LPIN2: variants seen among roughly 807,000 people sequenced by gnomAD.
The protein encoded by LPIN2 is lipin 2, also known as phosphatidate phosphatase LPIN2.
A neutral mutation model predicts 111.4 loss-of-function variants in LPIN2; 55 were observed. The ratio of observed to expected loss-of-function variants is 0.49; its 90% CI spans 0.40 to 0.62. The LOEUF is 0.62. LPIN2 is among the 20% of genes least tolerant of loss of function. LPIN2 has a pLI of 0.00. For synonymous variants in LPIN2, 425 were observed against 414.0 expected (o/e 1.03, Z -0.32); for missense variants, 992 against 1,112.1 (o/e 0.89, Z 1.54).
At chr18:2,952,144 A>G (rs1202212338) in intron 3 of LPIN2, among the ~76,000 whole-genome samples, 2 of 152,216 alleles carry the variant, frequency 1.3e-5, no homozygotes, top group Non-Finnish European at 2.9e-5. Context: ...AATTAACTTC[A>G]GGCAGAACGT....
chr18:2,991,041 G>C (rs2078257675), intron 1 of LPIN2: 2 of 568,476 alleles, frequency 3.5e-6, no homozygotes, highest in Non-Finnish European at 6.9e-6. Flanking sequence ...CTTGTCCCAT[G>C]ATGGTGCCCA....
intron 1 of LPIN2, among the ~76,000 whole-genome samples, chr18:2,970,651 G>A (rs2077892966): frequency 6.6e-6 from 1 of 152,294 alleles, no homozygotes; most frequent in East Asian, 1.9e-4. Flanking sequence ...ACACCCTCCT[G>A]CAAATATCAG....
intron 1 of LPIN2, among the ~76,000 whole-genome samples, chr18:2,986,461 A>G (rs1411932979): frequency 4.4e-5 from 1 of 22,726 alleles, no homozygotes; most frequent in Non-Finnish European, 4.3e-4. Flanking sequence ...TGACTCTCCC[A>G]AAGATAAACT....
intron 1 of LPIN2, among the ~76,000 whole-genome samples, chr18:2,996,603 G>A (rs1164997834): frequency 6.9e-6 from 1 of 144,178 alleles, no homozygotes; most frequent in Non-Finnish European, 1.5e-5. Flanking sequence ...TCAGCCTCCC[G>A]AGTAGCTGGG....
At chr18:3,012,812 C>T (rs2143528266) in intron 1 of LPIN2, among the ~76,000 whole-genome samples, 1 of 151,924 alleles carries the variant, frequency 6.6e-6, no homozygotes, top group South Asian at 2.1e-4. Context: ...CCCGACGCCC[C>T]CGGCTCCCCG....
At chr18:2,997,228 G>T (rs1034361255) in intron 1 of LPIN2, among the ~76,000 whole-genome samples, 4 of 151,902 alleles carry the variant, frequency 2.6e-5, no homozygotes, top group African/African-American at 7.3e-5. Context: ...GTGATCCGCC[G>T]GCCTTGGTGT....
At chr18:3,000,185 G>A (rs80031635) in intron 1 of LPIN2, among the ~76,000 whole-genome samples, 1,299 of 97,420 alleles carry the variant, frequency 0.013, 10 homozygotes, top group African/African-American at 0.034. Flanking sequence ...AATCCAACAA[G>A]GATAAAGGAA....
rs970779319 is a variant in LPIN2, at chr18:2,919,282, G to C, written c.*1011C>G. 2.0e-5 allele frequency: 3 copies of C among 152,286 alleles called. No homozygotes were observed. The highest frequency in any genetic ancestry group is 1.9e-4 in the East Asian group (1 of 5,184). 9.4% of individuals were successfully genotyped at this position (152,286 alleles called of 1,614,324 possible). A position where few individuals can be genotyped will look rare whatever the true frequency, so the allele number is the denominator to read the frequency against. ...CTGCTTCCACGGGCCCGATTACAGGGTGTGATCCCAAAAGCCAAAGTCACA... is the reference window on the plus strand; with the variant it reads ...CTGCTTCCACGGGCCCGATTACAGGCTGTGATCCCAAAAGCCAAAGTCACA... On this transcript the variant is annotated 3_prime_UTR_variant, in exon 20 of 20. Transcript: ENST00000677752.
At chr18:2,953,230 T>C (rs2077563547) in intron 3 of LPIN2, among the ~76,000 whole-genome samples, 1 of 152,248 alleles carries the variant, frequency 6.6e-6, no homozygotes, top group African/African-American at 2.4e-5. Context: ...TTAGCGGAAC[T>C]GTCAGAATAA....
chr18:2,930,795 G>A (rs2077201951), intron 9 of LPIN2, among the ~76,000 whole-genome samples: 1 of 152,194 alleles, frequency 6.6e-6, no homozygotes, highest in African/African-American at 2.4e-5. Flanking sequence ...TATACAGAAA[G>A]TAATCCTCCT....
Position 2,928,608 on chromosome 18 carries a change from G to A in LPIN2, c.1603C>T (p.Gln535Ter). ...APMILSLQVF[Q>*]KSLPKATVES... ...CGCCTCACCTTAGGCAAGCTCTTCTGGAATACTTGCAAGCTAAGGATCATG... is the reference window on the plus strand; with the variant it reads ...CGCCTCACCTTAGGCAAGCTCTTCTAGAATACTTGCAAGCTAAGGATCATG... Residue 535 changes from glutamine to a stop codon, truncating the protein, a stop_gained, in exon 11 of 20, where the codon CAG becomes TAG. Coordinates refer to ENST00000677752, the MANE Select transcript of LPIN2 (RefSeq NM_001375808.2). LOFTEE classifies it high-confidence loss of function. The A allele has an allele frequency of 6.2e-7, 1 of 1,614,136 alleles. No individual in the cohort carries two copies. The highest frequency in any genetic ancestry group is 8.5e-7 in the Non-Finnish European group (1 of 1,180,026).
chr18:2,941,982 C>A (rs1007762935), intron 4 of LPIN2, among the ~76,000 whole-genome samples: 15 of 152,154 alleles, frequency 9.9e-5, no homozygotes, highest in Admixed American at 7.9e-4. Flanking sequence ...TTAAAGGCTT[C>A]TTATAGAAAA....
chr18:2,922,282 T>A (rs2077067319), intron 16 of LPIN2, 83 bp from the exon 17 acceptor site: 3 of 1,509,606 alleles, frequency 2.0e-6, no homozygotes, highest in Admixed American at 2.0e-5. Flanking sequence ...CCCCACACTT[T>A]TCTTTCTTTT....
rs375168505 is a variant in LPIN2, at chr18:2,937,708, C to T, written c.1152G>A (p.Ser384=). 8.1e-6 allele frequency: 13 copies of T among 1,613,882 alleles called. No individual in the cohort carries two copies. The highest frequency in any genetic ancestry group is 1.6e-4 in the Middle Eastern group (1 of 6,084). Residue 384 remains serine (S), a synonymous_variant, in exon 7 of 20, where the codon TCG becomes TCA. Transcript: ENST00000677752. ...SESKPAAKVD[S]PSKKKGVHKR... is the part of the protein sequence containing the mutation. ...AACGATTACCTTTCTTCTTTGACGG[C>T]GAGTCTACTTTAGCTGCCGGTTTGG...
intron 16 of LPIN2, among the ~76,000 whole-genome samples, 165 bp downstream of exon 16, chr18:2,923,610 T>C (rs1260374425): frequency 1.3e-5 from 2 of 152,062 alleles, no homozygotes; most frequent in East Asian, 1.9e-4. Flanking sequence ...CAATGCCAGG[T>C]GCACACGGCT....
intron 1 of LPIN2, among the ~76,000 whole-genome samples, chr18:2,970,190 A>G (rs1430763744): frequency 1.3e-5 from 2 of 152,234 alleles, no homozygotes; most frequent in African/African-American, 4.8e-5. Flanking sequence ...TGGGAATTTA[A>G]ACAGACACAT....
intron 1 of LPIN2, among the ~76,000 whole-genome samples, chr18:2,971,394 T>C (rs914927290): frequency 2.0e-5 from 3 of 152,154 alleles, no homozygotes; most frequent in Non-Finnish European, 4.4e-5. Flanking sequence ...GGTCACAAGA[T>C]GGGATCTGTT....
In LPIN2 at chr18:2,957,853, C is replaced by CT. The variant is rs2077635949; in HGVS notation, c.192+2795dup. On this transcript the variant is annotated intron_variant, in intron 2 of 19. Coordinates refer to ENST00000677752, the MANE Select transcript of LPIN2 (RefSeq NM_001375808.2). ...AGTTTTAATACACTGGGTTATTTAA[C>CT]TTTGATAAATAATCTGACCAGGCGT... 3.9e-5 allele frequency among the ~76,000 whole-genome samples: 6 copies of CT among 152,108 alleles called. No homozygotes were observed. In the South Asian group the frequency reaches 1.2e-3, roughly 32 times the overall value.
chr18:3,012,097 A>G (rs554498022), intron 1 of LPIN2: 1 of 152,374 alleles, frequency 6.6e-6, no homozygotes, highest in East Asian at 1.9e-4. Context: ...AAGTTTTAAT[A>G]AACAGTAACA....
Sources: allele counts gnomAD v4.1 joint callset (sites outside exome capture counted in the v4.1 genomes callset), GRCh38; gene constraint gnomAD v4.1.1; transcripts MANE v1.5; gene names NCBI Gene and HGNC (gene_info 2026-07-23, HGNC 2026-07-21).